The following KIAA1671 variants were observed in gnomAD, a reference collection of about 807,000 sequenced individuals.
KIAA1671 encodes KIAA1671.
A neutral mutation model predicts 131.2 loss-of-function variants in KIAA1671; 52 were observed. That is an observed-to-expected ratio of 0.40 (90% CI 0.32 to 0.50). KIAA1671 has a LOEUF of 0.50. Ranked by LOEUF, KIAA1671 falls within the 20% of genes least tolerant of loss-of-function variation. The probability of loss-of-function intolerance (pLI) is 0.73; values close to 1 mark genes in which losing one functional copy is unlikely to be tolerated. For missense variants in KIAA1671, 2,360 were observed against 2,364.2 expected, an observed-to-expected ratio of 1.00 and a Z score of 0.04; for synonymous variants, 1,003 against 961.6, an observed-to-expected ratio of 1.04 and a Z score of -0.80.
chr22:25,076,536 C>T (rs1929117899), intron 6 of KIAA1671, among the ~76,000 whole-genome samples: 1 of 152,106 alleles, frequency 6.6e-6, no homozygotes, highest in African/African-American at 2.4e-5. Flanking sequence ...TGGTGCTGGT[C>T]CAGCAACAGT....
chr22:24,977,634 C>G (rs543957748), intron 1 of KIAA1671, among the ~76,000 whole-genome samples: 1 of 152,344 alleles, frequency 6.6e-6, no homozygotes, highest in African/African-American at 2.4e-5. Context: ...GGATCTTGGA[C>G]TGGCTTCTCG....
At chr22:25,032,266 T>C (rs1251579739) in intron 3 of KIAA1671, among the ~76,000 whole-genome samples, 1 of 152,216 alleles carries the variant, frequency 6.6e-6, no homozygotes, top group Non-Finnish European at 1.5e-5. Context: ...TTGAGTAGCC[T>C]CTTATCTGCC....
chr22:24,969,217 A>C (rs933106587), intron 1 of KIAA1671, among the ~76,000 whole-genome samples: 1 of 152,128 alleles, frequency 6.6e-6, no homozygotes, highest in Non-Finnish European at 1.5e-5. Flanking sequence ...TTGTTGTTGA[A>C]CATTTCAAAA....
intron 11 of KIAA1671, 52 bp downstream of exon 11, chr22:25,185,171 C>T (rs964353922): frequency 3.8e-5 from 56 of 1,482,514 alleles, no homozygotes; most frequent in Non-Finnish European, 4.9e-5. Context: ...TCAGGCTATA[C>T]TTCTAGAGAG....
intron 6 of KIAA1671, chr22:25,102,784 AGTT>A (rs1213651013): frequency 6.6e-6 from 1 of 152,486 alleles, no homozygotes; most frequent in Non-Finnish European, 1.5e-5. Context: ...AAATTATCTC[AGTT>A]GTTTTTTTTG....
Position 25,185,126 on chromosome 22 carries a change from G to A in KIAA1671, c.5342+7G>A. 6.5e-7 allele frequency: 1 copy of A among 1,538,602 alleles called. No homozygotes were observed. Among genetic ancestry groups the A allele is most frequent in the Non-Finnish European group, 8.8e-7 (1 of 1,140,236 alleles). ...GCATGGACAAGGATGAGAGGTGAGG[G>A]GTCTTGGGGAATGGGGGTCCCTCTC... is the stretch of plus-strand genomic sequence containing the variant. On this transcript the variant is annotated splice_region_variant and intron_variant, in intron 11 of 12. Transcript: ENST00000358431.
chr22:25,123,691 C>A (rs1171320707), intron 6 of KIAA1671, among the ~76,000 whole-genome samples: 1 of 152,214 alleles, frequency 6.6e-6, no homozygotes, highest in East Asian at 1.9e-4. Context: ...GGAAGCAGAT[C>A]TTCCAGCCTG....
intron 1 of KIAA1671, among the ~76,000 whole-genome samples, chr22:24,974,381 T>C (rs1922800767): frequency 2.0e-5 from 3 of 152,108 alleles, no homozygotes; most frequent in Non-Finnish European, 2.9e-5. Flanking sequence ...TTAGTTCTCA[T>C]GGTGACACCA....
At position 25,039,266 on chromosome 22, in the gene KIAA1671, T is replaced by A. The variant is rs2145804696; in HGVS notation, c.2136T>A (p.Asn712Lys). 6.4e-7 allele frequency: 1 copy of A among 1,552,208 alleles called. No individual in the cohort carries two copies. The highest frequency in any genetic ancestry group is 8.7e-7 in the Non-Finnish European group (1 of 1,147,098). Residue 712 changes from asparagine (N) to lysine (K), a missense_variant, in exon 5 of 13, where the codon AAT becomes AAA. By Grantham distance (94) the Asn-to-Lys change is moderately conservative. Around this residue, in one of 3 missense-constraint regions of KIAA1671, gnomAD observed 1,185 missense variants for 1,126.2 expected, o/e 1.05. Coordinates refer to ENST00000358431, the MANE Select transcript of KIAA1671 (RefSeq NM_001145206.2). ...RDKYPLSENH[N>K]NNTFLKHLEN... Reference sequence around the variant, plus strand: ...AATACCCTTTGTCTGAAAACCACAATAATAACACCTTCCTCAAACACTTGG... The same window carrying A: ...AATACCCTTTGTCTGAAAACCACAAAAATAACACCTTCCTCAAACACTTGG...
intron 1 of KIAA1671, among the ~76,000 whole-genome samples, chr22:25,016,585 G>T (rs1602069345): frequency 6.6e-6 from 1 of 152,106 alleles, no homozygotes; most frequent in African/African-American, 2.4e-5. Flanking sequence ...TAGAGGAGGT[G>T]GGACAAAAAC....
At chr22:25,081,612 G>A (rs1046352681) in intron 6 of KIAA1671, among the ~76,000 whole-genome samples, 4 of 102,078 alleles carry the variant, frequency 3.9e-5, no homozygotes, top group African/African-American at 2.1e-4. Flanking sequence ...GGTTAGATGG[G>A]CAGCTGCTTT....
At chr22:25,042,593 A>G (rs993684250) in intron 5 of KIAA1671, among the ~76,000 whole-genome samples, 1 of 150,810 alleles carries the variant, frequency 6.6e-6, no homozygotes, top group Non-Finnish European at 1.5e-5. Context: ...CAGCCTCCCA[A>G]GTAGCTGGGA....
intron 1 of KIAA1671, among the ~76,000 whole-genome samples, chr22:24,992,299 G>T (rs1225847690): frequency 6.6e-6 from 1 of 152,166 alleles, no homozygotes; most frequent in Non-Finnish European, 1.5e-5. Flanking sequence ...ATGGTGACTG[G>T]TAGGCTCCGG....
At chr22:25,091,920 A>G (rs1862008214) in intron 6 of KIAA1671, among the ~76,000 whole-genome samples, 1 of 152,132 alleles carries the variant, frequency 6.6e-6, no homozygotes, top group Non-Finnish European at 1.5e-5. Flanking sequence ...GTAGAGATGG[A>G]CAAGTACAGC....
At chr22:25,114,147 A>G (rs1346423420) in intron 6 of KIAA1671, among the ~76,000 whole-genome samples, 5 of 152,204 alleles carry the variant, frequency 3.3e-5, no homozygotes, top group Non-Finnish European at 5.9e-5. Context: ...GATGCCACCA[A>G]GAGTGTAAAT....
Position 25,164,521 on chromosome 22 carries a change from G to A in KIAA1671, c.4531-6299G>A, listed in dbSNP as rs540396786. On this transcript the variant is annotated intron_variant, in intron 6 of 12. Transcript: ENST00000358431. The stretch of plus-strand genomic sequence containing the variant: ...CTCTGCCTGCCTTTTAATTCATCAT[G>A]TGTATTTTCAGAGTATCTTGTATAT... 1.3e-3 allele frequency among the ~76,000 whole-genome samples: 198 copies of A among 152,320 alleles called. 3 individuals carry two copies. In the South Asian group the frequency reaches 0.032, roughly 24 times the overall value.
At chr22:25,158,381 C>T (rs1217861779) in intron 6 of KIAA1671, among the ~76,000 whole-genome samples, 1 of 152,194 alleles carries the variant, frequency 6.6e-6, no homozygotes, top group Non-Finnish European at 1.5e-5. Flanking sequence ...GACCCCAGTT[C>T]CTGACCTCAG....
At chr22:24,958,688 C>T (rs1921850491) in intron 1 of KIAA1671, among the ~76,000 whole-genome samples, 2 of 146,160 alleles carry the variant, frequency 1.4e-5, no homozygotes, top group East Asian at 2.1e-4. Flanking sequence ...ATTAGTCTGG[C>T]GGTCAGGCAC....
chr22:25,047,948 A>T (rs1205456420), intron 5 of KIAA1671, among the ~76,000 whole-genome samples: 1 of 152,242 alleles, frequency 6.6e-6, no homozygotes, highest in African/African-American at 2.4e-5. Context: ...TTCTAGCTTT[A>T]GCTCTTACAT....
Sources: gnomAD v4.1 joint callset for allele counts (sites outside exome capture counted in the v4.1 genomes callset) on GRCh38, gnomAD v4.1.1 for gene constraint, gnomAD v4.1.1 regional missense constraint, MANE v1.5 for transcripts, NCBI Gene and HGNC (gene_info 2026-07-23, HGNC 2026-07-21) for gene names.